Variants in R3HDM2 observed in about 807,000 individuals in gnomAD.
The protein encoded by R3HDM2 is R3H domain containing 2.
R3HDM2 carries 38 observed loss-of-function variants against 124.5 expected under a neutral mutation model. That is an observed-to-expected ratio of 0.31 (90% CI 0.24 to 0.40). The LOEUF (loss-of-function observed/expected upper bound fraction) is 0.40. Among genes scored for constraint, R3HDM2 ranks in the 10% least tolerant of loss-of-function variants. The pLI is 1.00. For synonymous variants in R3HDM2, 391 were observed against 448.0 expected, an observed-to-expected ratio of 0.87 and a Z score of 1.61; for missense variants, 869 against 1,236.9, an observed-to-expected ratio of 0.70 and a Z score of 4.46.
At chr12:57,395,691 T>C (rs1329832269) in intron 2 of R3HDM2, 58 bp downstream of exon 2, 1 of 685,754 alleles carries the variant, frequency 1.5e-6, no homozygotes, top group Non-Finnish European at 1.8e-6. Flanking sequence ...AGAACAGATG[T>C]ATAACAATTT....
chr12:57,338,046 G>A (rs186555987), intron 2 of R3HDM2, among the ~76,000 whole-genome samples: 3 of 152,222 alleles, frequency 2.0e-5, no homozygotes, highest in African/African-American at 7.2e-5. Context: ...GCTCACGCCT[G>A]TAATCTCAGC....
chr12:57,373,210 GTAA>G (rs2063583636), intron 2 of R3HDM2, among the ~76,000 whole-genome samples: 1 of 152,140 alleles, frequency 6.6e-6, no homozygotes, highest in African/African-American at 2.4e-5. Context: ...TCTAAAAACA[GTAA>G]TAACAAGCCG....
chr12:57,260,093 A>T (rs1168131539), intron 19 of R3HDM2, among the ~76,000 whole-genome samples: 1 of 151,594 alleles, frequency 6.6e-6, no homozygotes, highest in East Asian at 1.9e-4. Flanking sequence ...GTGAAACCCC[A>T]TCTCTACAGA....
chr12:57,385,240 A>G (rs1290081643), intron 2 of R3HDM2, among the ~76,000 whole-genome samples: 3 of 151,490 alleles, frequency 2.0e-5, no homozygotes. Flanking sequence ...ATAAAAACTT[A>G]AAGACTTTTT....
chr12:57,368,789 T>C (rs1376583475), intron 2 of R3HDM2, among the ~76,000 whole-genome samples: 1 of 152,170 alleles, frequency 6.6e-6, no homozygotes, highest in Non-Finnish European at 1.5e-5. Context: ...CTCCCTTCAC[T>C]GTAAGTATAA....
At chr12:57,269,481 T>G in intron 15 of R3HDM2, 32 bp from the exon 16 acceptor site, 1 of 1,607,752 alleles carries the variant, frequency 6.2e-7, no homozygotes, top group Non-Finnish European at 8.5e-7. Context: ...GTGTGAGAAG[T>G]CCCTAAAATT....
intron 19 of R3HDM2, among the ~76,000 whole-genome samples, chr12:57,265,556 A>G (rs2042138881): frequency 6.6e-6 from 1 of 152,158 alleles, no homozygotes; most frequent in Non-Finnish European, 1.5e-5. Flanking sequence ...AAGAAAAAGA[A>G]AAAAGAAAAA....
At chr12:57,427,829 G>A (rs1244923542) in intron 1 of R3HDM2, among the ~76,000 whole-genome samples, 27 of 150,808 alleles carry the variant, frequency 1.8e-4, no homozygotes, top group Non-Finnish European at 4.0e-4. Flanking sequence ...TGGGCCAGGC[G>A]CAGTGGCTCA....
intron 2 of R3HDM2, among the ~76,000 whole-genome samples, chr12:57,315,365 T>C (rs1048285839): frequency 1.3e-5 from 2 of 152,012 alleles, no homozygotes; most frequent in African/African-American, 4.8e-5. Context: ...CTTTTAGAGA[T>C]AGGGTTTTGC....
intron 2 of R3HDM2, among the ~76,000 whole-genome samples, chr12:57,353,731 T>G (rs2137314134): frequency 6.6e-6 from 1 of 152,228 alleles, no homozygotes; most frequent in Non-Finnish European, 1.5e-5. Flanking sequence ...AATTTTTAAC[T>G]ATTACAAATA....
chr12:57,424,829 C>G (rs1555320850), intron 1 of R3HDM2, among the ~76,000 whole-genome samples: 1 of 152,100 alleles, frequency 6.6e-6, no homozygotes, highest in Non-Finnish European at 1.5e-5. Flanking sequence ...CTCAGATTCC[C>G]AAAGTGCTGC....
intron 2 of R3HDM2, among the ~76,000 whole-genome samples, chr12:57,376,725 G>A (rs571436653): frequency 6.6e-6 from 1 of 152,142 alleles, no homozygotes; most frequent in East Asian, 1.9e-4. Context: ...TGAGGCAGGC[G>A]GATCACCTGA....
At chr12:57,350,709 C>A (rs977456833) in intron 2 of R3HDM2, among the ~76,000 whole-genome samples, 3 of 152,206 alleles carry the variant, frequency 2.0e-5, no homozygotes, top group Non-Finnish European at 4.4e-5. Context: ...AATCTCGACA[C>A]TTTGGGAGGC....
chr12:57,424,978 AAAG>A (rs1244226595), intron 1 of R3HDM2, among the ~76,000 whole-genome samples: 2 of 152,232 alleles, frequency 1.3e-5, no homozygotes, highest in Non-Finnish European at 2.9e-5. Context: ...AAATAAATAA[AAAG>A]AAATTATTCA....
At chr12:57,384,919 C>T (rs900915783) in intron 2 of R3HDM2, among the ~76,000 whole-genome samples, 1 of 152,024 alleles carries the variant, frequency 6.6e-6, no homozygotes, top group East Asian at 1.9e-4. Context: ...GAGGCCGAGG[C>T]GGGTGGATCA....
chr12:57,425,752 C>T (rs958090925), intron 1 of R3HDM2, among the ~76,000 whole-genome samples: 5 of 152,106 alleles, frequency 3.3e-5, no homozygotes, highest in African/African-American at 1.2e-4. Context: ...GAGCTGAAAT[C>T]AGGACACTGC....
intron 12 of R3HDM2, 42 bp from the exon 13 acceptor site, chr12:57,284,098 T>G (rs1044253723): frequency 6.6e-7 from 1 of 1,505,836 alleles, no homozygotes; most frequent in African/African-American, 1.4e-5. Flanking sequence ...CACCCACCAC[T>G]TTAGCAGAAG....
intron 1 of R3HDM2, chr12:57,418,392 G>A (rs1014551253): frequency 4.1e-6 from 4 of 965,202 alleles, no homozygotes; most frequent in Non-Finnish European, 4.9e-6. Flanking sequence ...TATTCCCAAC[G>A]GTGGTTGCGC....
At chr12:57,260,535 G>A (rs1168412630) in intron 19 of R3HDM2, among the ~76,000 whole-genome samples, 2 of 152,104 alleles carry the variant, frequency 1.3e-5, no homozygotes, top group Non-Finnish European at 2.9e-5. Context: ...TCAGGGTCAA[G>A]CAGTTTGATG....
Sources: gnomAD v4.1 joint callset for allele counts (sites outside exome capture counted in the v4.1 genomes callset) on GRCh38, gnomAD v4.1.1 for gene constraint, MANE v1.5 for transcripts, NCBI Gene and HGNC (gene_info 2026-07-23, HGNC 2026-07-21) for gene names.